The following EHD3 variants were observed in gnomAD, a reference collection of about 807,000 sequenced individuals.
The protein encoded by EHD3 is EH domain-containing protein 3.
Under a neutral mutation model 43.0 loss-of-function variants are expected in EHD3, and 17 were observed. That is an observed-to-expected ratio of 0.40 (90% confidence interval 0.27 to 0.59). The LOEUF (loss-of-function observed/expected upper bound fraction) is 0.59. Ranked by LOEUF, EHD3 falls within the 20% of genes least tolerant of loss-of-function variation. The pLI is 0.49. For synonymous variants in EHD3, 313 were observed against 289.5 expected (o/e 1.08, Z -0.82); for missense variants, 594 against 705.6 (o/e 0.84, Z 1.79).
At chr2:31,264,894 C>T (rs958965420) in intron 5 of EHD3, among the ~76,000 whole-genome samples, 2 of 152,262 alleles carry the variant, frequency 1.3e-5, no homozygotes, top group African/African-American at 2.4e-5. Context: ...TATCTATACA[C>T]AAATATTTTC....
At chr2:31,250,978 C>T (rs1247088934) in intron 3 of EHD3, among the ~76,000 whole-genome samples, 2 of 152,212 alleles carry the variant, frequency 1.3e-5, no homozygotes, top group Non-Finnish European at 2.9e-5. Flanking sequence ...ATAGTGGGGC[C>T]CAGAAACCTT....
intron 3 of EHD3, among the ~76,000 whole-genome samples, chr2:31,257,449 G>A (rs1272194065): frequency 7.0e-6 from 1 of 143,300 alleles, no homozygotes. Context: ...GTGCCAGGGA[G>A]GGAGGGAGGG....
rs1333995784 is a variant in EHD3, at chr2:31,268,861, G to A, written c.*2157G>A. 6.6e-6 allele frequency: 1 copy of A among 152,208 alleles called. No individual in the cohort carries two copies. The highest frequency in any genetic ancestry group is 1.5e-5 in the Non-Finnish European group (1 of 68,046). The allele number at this position is 152,208 out of a possible 1,614,324, so 9.4% of individuals were successfully genotyped here. On this transcript the variant is annotated 3_prime_UTR_variant, in exon 6 of 6. Transcript: ENST00000322054. ...TATTTTATAGGAAAGGGAGATGTCT[G>A]TTATCCCCTTTCTTCACTGCCACTG...
At position 31,234,637 on chromosome 2, in the gene EHD3, G is replaced by A; in HGVS notation, c.16G>A (p.Gly6Ser). 1 of 1,613,872 alleles carries A rather than the reference G, an allele frequency of 6.2e-7. No individual in the cohort carries two copies. Among genetic ancestry groups the A allele is most frequent in the South Asian group, 1.1e-5 (1 of 91,074 alleles). Residue 6 changes from glycine (G) to serine (S), a missense_variant, in exon 1 of 6, where the codon GGT becomes AGT. Gly to Ser is a moderately conservative substitution (Grantham distance 56). Coordinates refer to ENST00000322054, the MANE Select transcript of EHD3 (RefSeq NM_014600.3). MFSWL[G>S]TDDRRRKDPE... Reference sequence around the variant, plus strand: ...GGCGGCCGCGATGTTCAGCTGGCTGGGTACGGACGACCGCCGGAGGAAGGA... The same window carrying A: ...GGCGGCCGCGATGTTCAGCTGGCTGAGTACGGACGACCGCCGGAGGAAGGA...
Position 31,266,782 on chromosome 2 carries a change from AC to A in EHD3, c.*79del. 1.4e-6 allele frequency: 2 copies of A among 1,411,408 alleles called. No homozygotes were observed. Among genetic ancestry groups the A allele is most frequent in the African/African-American group, 1.4e-5 (1 of 70,886 alleles). 87.4% of individuals were successfully genotyped at this position (1,411,408 alleles called of 1,614,324 possible). A position where few individuals can be genotyped will look rare whatever the true frequency, so the allele number is the denominator to read the frequency against. On this transcript the variant is annotated 3_prime_UTR_variant, in exon 6 of 6. Coordinates refer to ENST00000322054, the MANE Select transcript of EHD3 (RefSeq NM_014600.3). The surrounding 1 kb of genome is among the most constrained non-coding windows in gnomAD (Gnocchi z 5.1). Reference sequence around the variant, plus strand: ...TGACTACACACACACACACACACACACACACACACACAAACATGCACACACA... The same window carrying A: ...TGACTACACACACACACACACACACAACACACACACAAACATGCACACACA...
chr2:31,257,663 A>C (rs541677437), intron 3 of EHD3, among the ~76,000 whole-genome samples: 1 of 152,202 alleles, frequency 6.6e-6, no homozygotes, highest in South Asian at 2.1e-4. Context: ...TACCGTCTGC[A>C]GCAAGCACTG....
intron 4 of EHD3, among the ~76,000 whole-genome samples, chr2:31,261,328 C>T (rs1430166576): frequency 6.6e-6 from 1 of 152,188 alleles, no homozygotes; most frequent in Non-Finnish European, 1.5e-5. Flanking sequence ...CTGCCTTGAC[C>T]ATAGCTCCCC....
intron 3 of EHD3, among the ~76,000 whole-genome samples, chr2:31,256,196 A>G (rs1683749753): frequency 6.6e-6 from 1 of 152,204 alleles, no homozygotes; most frequent in Admixed American, 6.5e-5. Flanking sequence ...ACTCCTACAG[A>G]GCACATCCCA....
intron 1 of EHD3, among the ~76,000 whole-genome samples, chr2:31,235,403 T>A (rs1683305284): frequency 6.6e-6 from 1 of 152,212 alleles, no homozygotes; most frequent in African/African-American, 2.4e-5. Flanking sequence ...AGCTCCTGTG[T>A]ATATATCTTG....
At chr2:31,244,506 G>A in intron 2 of EHD3, 56 bp downstream of exon 2, 8 of 1,573,440 alleles carry the variant, frequency 5.1e-6, no homozygotes, top group Non-Finnish European at 6.9e-6. Flanking sequence ...CTTGGGGTAT[G>A]GGGAGTGAAA....
intron 2 of EHD3, 39 bp downstream of exon 2, chr2:31,244,489 T>G: frequency 6.3e-7 from 1 of 1,595,074 alleles, no homozygotes; most frequent in Non-Finnish European, 8.6e-7. Flanking sequence ...AGGTGCTCTC[T>G]TTTCTTCTTG....
At position 31,243,452 on chromosome 2, in the gene EHD3, C is replaced by CT. The variant is rs1266371746; in HGVS notation, c.228-819dup. Among the ~76,000 whole-genome samples the CT allele has an allele frequency of 1.6e-3, 57 of 34,848 alleles. 1 individual carries two copies. Among genetic ancestry groups the CT allele is most frequent in the African/African-American group, 5.3e-3 (56 of 10,640 alleles). 22.9% of individuals were successfully genotyped at this position (34,848 alleles called of 152,430 possible). On this transcript the variant is annotated intron_variant, in intron 1 of 5. Transcript: ENST00000322054. ...TCTTTCTTTCTTTCTTTCTTTCTTT[C>CT]TTTCTTTCTTTTTTTTTTTTTGAGA...
Position 31,261,598 on chromosome 2 carries a change from TC to T in EHD3, c.966del (p.Phe322LeufsTer35). On this transcript the variant is annotated frameshift_variant, in exon 5 of 6. Transcript: ENST00000322054. LOFTEE classifies it high-confidence loss of function. ...CTGAAGAAGGAGATGCCCTCGGTGT[TC>T]GGGAAGGACAACAAGAAGAAGGAGC... ...SSLKKEMPSV[F>X]GKDNKKKELV... is the part of the protein sequence containing the mutation. 1 of 1,614,118 alleles carries T rather than the reference TC, an allele frequency of 6.2e-7. No individual in the cohort carries two copies. The highest frequency in any genetic ancestry group is 8.5e-7 in the Non-Finnish European group (1 of 1,180,020).
chr2:31,243,469 TTTTTGAGACAGAG>T (rs1327350631), intron 1 of EHD3, among the ~76,000 whole-genome samples: 3 of 143,988 alleles, frequency 2.1e-5, no homozygotes, highest in African/African-American at 7.7e-5. Context: ...TCTTTTTTTT[TTTTTGAGACAGAG>T]TTTCGTTCTT....
intron 3 of EHD3, among the ~76,000 whole-genome samples, chr2:31,255,030 T>C (rs1683723820): frequency 1.3e-5 from 2 of 152,204 alleles, no homozygotes; most frequent in Non-Finnish European, 2.9e-5. Flanking sequence ...GTTTGTCTGA[T>C]TGATTTCCTC....
intron 1 of EHD3, among the ~76,000 whole-genome samples, chr2:31,241,053 C>T (rs1572462002): frequency 1.3e-5 from 2 of 152,182 alleles, no homozygotes; most frequent in African/African-American, 2.4e-5. Flanking sequence ...GAGCCAGGGA[C>T]CTGCTCTGAT....
intron 1 of EHD3, among the ~76,000 whole-genome samples, chr2:31,243,646 A>AG (rs1313544405): frequency 4.6e-5 from 7 of 151,434 alleles, no homozygotes; most frequent in East Asian, 1.9e-4. Context: ...TAGTAGAGAC[A>AG]GGTTTCACCA....
chr2:31,241,240 CT>C (rs1269095778), intron 1 of EHD3, among the ~76,000 whole-genome samples: 6 of 152,182 alleles, frequency 3.9e-5, no homozygotes, highest in African/African-American at 1.4e-4. Context: ...TCTTTGTGGC[CT>C]TCTTGTCCCA....
rs1553402472 is a variant in EHD3 at position 31,243,460 on chromosome 2, C to CTTTCTTTTTTTTTTT, written c.228-811_228-810insCTTTTTTTTTTTTTT. On this transcript the variant is annotated intron_variant, in intron 1 of 5. Coordinates refer to ENST00000322054, the MANE Select transcript of EHD3 (RefSeq NM_014600.3). ...TCTTTCTTTCTTTCTTTCTTTCTTT[C>CTTTCTTTTTTTTTTT]TTTTTTTTTTTTTGAGACAGAGTTT... 3.2e-3 allele frequency among the ~76,000 whole-genome samples: 314 copies of CTTTCTTTTTTTTTTT among 98,426 alleles called. 1 individual carries two copies. Among genetic ancestry groups the CTTTCTTTTTTTTTTT allele is most frequent in the African/African-American group, 4.0e-3 (87 of 21,816 alleles). 64.6% of individuals were successfully genotyped at this position (98,426 alleles called of 152,430 possible).
Sources: gnomAD v4.1 joint callset for allele counts (sites outside exome capture counted in the v4.1 genomes callset) on GRCh38, gnomAD v4.1.1 for gene constraint, Gnocchi (gnomAD v3.1) non-coding constraint, MANE v1.5 for transcripts, NCBI Gene and HGNC (gene_info 2026-07-23, HGNC 2026-07-21) for gene names.